Variants in ENOX1 observed in about 807,000 individuals in gnomAD.
ENOX1 encodes candidate growth-related and time keeping constitutive hydroquinone (NADH) oxidase.
In ENOX1, 42 loss-of-function variants were observed where a neutral mutation model predicts 82.5. That is an observed-to-expected ratio of 0.51 (90% CI 0.40 to 0.66). The LOEUF (loss-of-function observed/expected upper bound fraction) is 0.66. Ranked by LOEUF, ENOX1 falls within the 30% of genes least tolerant of loss-of-function variation. The pLI, the probability that ENOX1 is intolerant of heterozygous loss-of-function variation, is 0.00. For missense variants in ENOX1, 608 were observed against 811.6 expected (o/e 0.75, Z 3.05); for synonymous variants, 271 against 282.2 (o/e 0.96, Z 0.40).
At chr13:43,595,608 G>C (rs1576323) in intron 2 of ENOX1, among the ~76,000 whole-genome samples, 15,292 of 152,136 alleles carry the variant, frequency 0.1, 793 homozygotes, top group Admixed American at 0.12. Context: ...GGGTCATAGG[G>C]TCAATGGTAA....
At chr13:43,531,200 T>C (rs1273315564) in intron 2 of ENOX1, among the ~76,000 whole-genome samples, 1 of 151,998 alleles carries the variant, frequency 6.6e-6, no homozygotes, top group African/African-American at 2.4e-5. Context: ...AAAGTTTTAA[T>C]CTACAATGAA....
intron 8 of ENOX1, among the ~76,000 whole-genome samples, chr13:43,355,595 C>A (rs1037834399): frequency 2.0e-5 from 3 of 152,128 alleles, no homozygotes; most frequent in African/African-American, 7.2e-5. Context: ...GCTTTGGGGA[C>A]CTTTCTGTCC....
At chr13:43,580,876 T>C (rs2080688549) in intron 2 of ENOX1, among the ~76,000 whole-genome samples, 1 of 152,196 alleles carries the variant, frequency 6.6e-6, no homozygotes, top group South Asian at 2.1e-4. Flanking sequence ...TACACATATG[T>C]TATTTAGTAA....
At chr13:43,246,347 C>G (rs1227704568) in intron 14 of ENOX1, among the ~76,000 whole-genome samples, 2 of 152,206 alleles carry the variant, frequency 1.3e-5, no homozygotes, top group Non-Finnish European at 2.9e-5. Flanking sequence ...ATATTGAGTG[C>G]CTGTGGCGCT....
chr13:43,335,988 C>T (rs1055577156), intron 9 of ENOX1, among the ~76,000 whole-genome samples: 2 of 152,086 alleles, frequency 1.3e-5, no homozygotes, highest in Admixed American at 6.5e-5. Flanking sequence ...AATGCATTGG[C>T]AAATACAGCC....
At chr13:43,266,002 C>T (rs145361430) in intron 13 of ENOX1, among the ~76,000 whole-genome samples, 29 of 152,264 alleles carry the variant, frequency 1.9e-4, no homozygotes, top group Admixed American at 1.4e-3. Flanking sequence ...TCTCCTTGGC[C>T]GCTGAGGCAT....
intron 7 of ENOX1, among the ~76,000 whole-genome samples, chr13:43,358,156 G>A (rs1184596428): frequency 6.6e-6 from 1 of 152,130 alleles, no homozygotes; most frequent in Non-Finnish European, 1.5e-5. Context: ...CCTAAATTTG[G>A]GACTGTTCAT....
At chr13:43,533,059 T>C (rs2078298283) in intron 2 of ENOX1, among the ~76,000 whole-genome samples, 1 of 152,122 alleles carries the variant, frequency 6.6e-6, no homozygotes, top group Non-Finnish European at 1.5e-5. Context: ...GAAAGCACAG[T>C]GATCTTTTTC....
intron 9 of ENOX1, among the ~76,000 whole-genome samples, chr13:43,341,121 C>G (rs2049028443): frequency 6.6e-6 from 1 of 152,014 alleles, no homozygotes; most frequent in Non-Finnish European, 1.5e-5. Flanking sequence ...CATGGTGAAA[C>G]CCTGTCTCTA....
chr13:43,387,779 CAT>C (rs1036800159), intron 5 of ENOX1, among the ~76,000 whole-genome samples: 17 of 151,626 alleles, frequency 1.1e-4, no homozygotes, highest in African/African-American at 4.1e-4. Flanking sequence ...TATGTAAATA[CAT>C]ATATATACAT....
chr13:43,242,415 T>C (rs2042881843), intron 14 of ENOX1, among the ~76,000 whole-genome samples: 1 of 152,266 alleles, frequency 6.6e-6, no homozygotes, highest in Non-Finnish European at 1.5e-5. Flanking sequence ...TTTTCTTACC[T>C]GTTCCCTTTC....
chr13:43,359,841 T>C lies in ENOX1; in HGVS notation c.589+10A>G, dbSNP rs1284889201. The C allele has an allele frequency of 6.2e-7, 1 of 1,613,050 alleles. No individual in the cohort carries two copies. The highest frequency in any genetic ancestry group is 2.2e-5 in the East Asian group (1 of 44,884). On this transcript the variant is annotated intron_variant, in intron 7 of 16. Transcript: ENST00000690772. ...AATGCCTAGAAAACTCCTTATGTAA[T>C]GCAAAGTACCAGAAAGGTAAATGGC...
intron 3 of ENOX1, among the ~76,000 whole-genome samples, chr13:43,465,946 A>T (rs946404165): frequency 3.3e-5 from 5 of 152,282 alleles, no homozygotes; most frequent in African/African-American, 1.2e-4. Flanking sequence ...ATAATATATA[A>T]AAGGGCTTTA....
chr13:43,530,957 CT>C (rs1056792762), intron 2 of ENOX1, among the ~76,000 whole-genome samples: 1 of 151,760 alleles, frequency 6.6e-6, no homozygotes, highest in Non-Finnish European at 1.5e-5. Flanking sequence ...AGAATGAAAG[CT>C]TTTTGGCCAT....
At chr13:43,413,283 C>G (rs1427625314) in intron 3 of ENOX1, among the ~76,000 whole-genome samples, 2 of 152,182 alleles carry the variant, frequency 1.3e-5, no homozygotes, top group Non-Finnish European at 2.9e-5. Flanking sequence ...AGCACCTTCA[C>G]AAATGGGGGC....
At chr13:43,507,886 T>C (rs1377809494) in intron 2 of ENOX1, among the ~76,000 whole-genome samples, 2 of 152,024 alleles carry the variant, frequency 1.3e-5, no homozygotes, top group African/African-American at 4.8e-5. Context: ...AATCATAGTA[T>C]ACAACTTAGA....
intron 14 of ENOX1, among the ~76,000 whole-genome samples, chr13:43,253,385 A>G (rs1215081085): frequency 9.9e-5 from 15 of 152,192 alleles, no homozygotes; most frequent in Admixed American, 7.2e-4. Flanking sequence ...CTATGTGTCA[A>G]TGAGATGGAT....
chr13:43,345,989 C>T (rs562416392), intron 8 of ENOX1, among the ~76,000 whole-genome samples: 1 of 152,242 alleles, frequency 6.6e-6, no homozygotes, highest in African/African-American at 2.4e-5. Context: ...CATGAATAGA[C>T]AGGGGGAGAT....
At chr13:43,634,437 C>T (rs1360661084) in intron 2 of ENOX1, among the ~76,000 whole-genome samples, 1 of 152,152 alleles carries the variant, frequency 6.6e-6, no homozygotes, top group Non-Finnish European at 1.5e-5. Flanking sequence ...TCTTCTCCAG[C>T]ACGACCTACT....
Sources: gnomAD v4.1 joint callset for allele counts (sites outside exome capture counted in the v4.1 genomes callset) on GRCh38, gnomAD v4.1.1 for gene constraint, MANE v1.5 for transcripts, NCBI Gene and HGNC (gene_info 2026-07-23, HGNC 2026-07-21) for gene names.